Variants in RNF157 observed in about 807,000 individuals in gnomAD.
RNF157 encodes the protein E3 ubiquitin ligase RNF157.
Under a neutral mutation model 88.3 loss-of-function variants are expected in RNF157, and 55 were observed. That is an observed-to-expected ratio of 0.62 (90% confidence interval 0.50 to 0.78). RNF157 has a LOEUF of 0.78. RNF157 is among the 30% of genes least tolerant of loss of function. RNF157 has a pLI of 0.00. For synonymous variants in RNF157, 334 were observed against 341.2 expected (o/e 0.98, Z 0.23); for missense variants, 788 against 860.8 (o/e 0.92, Z 1.06).
intron 2 of RNF157, among the ~76,000 whole-genome samples, chr17:76,196,371 A>G (rs2069478075): frequency 6.6e-6 from 1 of 152,224 alleles, no homozygotes; most frequent in African/African-American, 2.4e-5. Flanking sequence ...AACAACAGGA[A>G]AGGAGCAGAA....
intron 17 of RNF157, chr17:76,152,698 C>A: frequency 2.1e-6 from 1 of 467,162 alleles, no homozygotes; most frequent in Admixed American, 3.4e-5. Flanking sequence ...CTGCTGCTCC[C>A]TAACAAGTCA....
In RNF157 at chr17:76,207,106, T is replaced by C. The variant is rs1024329937; in HGVS notation, c.207+5258A>G. 3.7e-4 allele frequency among the ~76,000 whole-genome samples: 56 copies of C among 152,324 alleles called. 1 individual carries two copies. The highest frequency in any genetic ancestry group is 3.5e-3 in the Admixed American group (54 of 15,292). On this transcript the variant is annotated intron_variant, in intron 2 of 18. Transcript: ENST00000269391. ...ACTCTAGTTTCTTTAAATCTGACCC[T>C]TAAGACTTGATAATAAATTTGGCTT... is the stretch of plus-strand genomic sequence containing the variant.
chr17:76,156,401 T>A, intron 13 of RNF157, 80 bp from the exon 14 acceptor site: 1 of 1,591,644 alleles, frequency 6.3e-7, no homozygotes, highest in Non-Finnish European at 8.5e-7. Flanking sequence ...AGGGCGGAGG[T>A]CTGGGTAGAG....
intron 2 of RNF157, among the ~76,000 whole-genome samples, chr17:76,177,555 CAGCTTG>C (rs891522711): frequency 1.3e-5 from 2 of 151,826 alleles, no homozygotes; most frequent in Admixed American, 6.6e-5. Context: ...GTGCTGAGGG[CAGCTTG>C]GTGCTGGCCT....
intron 2 of RNF157, among the ~76,000 whole-genome samples, chr17:76,211,478 C>G (rs1182681092): frequency 1.3e-5 from 2 of 152,218 alleles, no homozygotes; most frequent in Non-Finnish European, 2.9e-5. Flanking sequence ...CTCCACCAAA[C>G]TTGCAGAATA....
At position 76,159,414 on chromosome 17, in the gene RNF157, G is replaced by A. The variant is rs777729624; in HGVS notation, c.1225C>T (p.Pro409Ser). 12 of 1,613,074 alleles carry A rather than the reference G, an allele frequency of 7.4e-6. No individual in the cohort carries two copies. The highest frequency in any genetic ancestry group is 2.2e-5 in the South Asian group (2 of 90,712). ...PSYGSDGHLP[P>S]VRTISPLDRL... is the part of the protein sequence containing the mutation. The stretch of plus-strand genomic sequence containing the variant: ...TCAAGAGGCGAGATCGTCCTGACGG[G>A]GGGCAGGTGGCCATCACTGCCATAT... Residue 409 changes from proline (P) to serine (S), a missense_variant, in exon 12 of 19, where the codon CCC (proline) becomes TCC (serine). Physicochemically the swap from Pro to Ser is moderately conservative, Grantham distance 74 (BLOSUM62 -1). Coordinates refer to ENST00000269391, the MANE Select transcript of RNF157 (RefSeq NM_052916.3).
chr17:76,224,736 G>C (rs2070049315), intron 1 of RNF157, among the ~76,000 whole-genome samples: 2 of 150,718 alleles, frequency 1.3e-5, no homozygotes, highest in African/African-American at 4.9e-5. Context: ...AAAAAAGAAA[G>C]AAACTGCAAA....
At chr17:76,151,281 G>A (rs1167717651) in intron 18 of RNF157, among the ~76,000 whole-genome samples, 1 of 152,258 alleles carries the variant, frequency 6.6e-6, no homozygotes, top group Non-Finnish European at 1.5e-5. Context: ...AAAGCCCTTT[G>A]AAGGGCTGGA....
intron 2 of RNF157, chr17:76,175,837 A>G (rs2069094349): frequency 1.0e-6 from 1 of 954,142 alleles, no homozygotes; most frequent in Non-Finnish European, 1.2e-6. Flanking sequence ...GAGAAAAATA[A>G]AAAGAAAGAA....
intron 3 of RNF157, among the ~76,000 whole-genome samples, chr17:76,170,868 T>C (rs2069001676): frequency 6.6e-6 from 1 of 152,158 alleles, no homozygotes; most frequent in East Asian, 1.9e-4. Context: ...GATTTATGCC[T>C]TTTTAAAGAA....
At chr17:76,166,297 C>T (rs2068923495) in intron 6 of RNF157, among the ~76,000 whole-genome samples, 164 bp downstream of exon 6, 1 of 152,156 alleles carries the variant, frequency 6.6e-6, no homozygotes, top group Non-Finnish European at 1.5e-5. Flanking sequence ...TTCACATCAG[C>T]CCAGGAGCTT....
At chr17:76,167,201 G>A in intron 4 of RNF157, 75 bp from the exon 5 acceptor site, 1 of 1,017,876 alleles carries the variant, frequency 9.8e-7, no homozygotes, top group South Asian at 1.3e-5. Context: ...CTCTGCTCAT[G>A]CCTGTTCTCA....
intron 8 of RNF157, chr17:76,164,341 TA>T (rs2068889482): frequency 6.4e-6 from 1 of 155,114 alleles, no homozygotes; most frequent in African/African-American, 2.4e-5. Context: ...CTAATTACAC[TA>T]AATTGGACCC....
chr17:76,229,407 A>T (rs748908756), intron 1 of RNF157, among the ~76,000 whole-genome samples: 17 of 152,234 alleles, frequency 1.1e-4, no homozygotes, highest in Non-Finnish European at 2.2e-4. Context: ...AGAGACAATA[A>T]TACTTCTTTC....
rs542693685 is a variant in RNF157 at position 76,160,463 on chromosome 17, G to A, written c.1066-890C>T. Among the ~76,000 whole-genome samples, 5 of 151,832 alleles carry A rather than the reference G, an allele frequency of 3.3e-5. No homozygotes were observed. The South Asian group carries it at 1.0e-3, about 32-fold the overall frequency. ...TGCTTCCCCGAAAGCAGGGAGAATC[G>A]CTAAAAAGAAAAGTTTTTAAAATTT... On this transcript the variant is annotated intron_variant, in intron 11 of 18. Coordinates refer to ENST00000269391, the MANE Select transcript of RNF157 (RefSeq NM_052916.3). This position sits in a 1 kb window ranked among gnomAD's most constrained non-coding sequence, Gnocchi z 4.3.
chr17:76,215,662 A>G (rs559845835), intron 1 of RNF157, among the ~76,000 whole-genome samples: 1 of 152,292 alleles, frequency 6.6e-6, no homozygotes, highest in South Asian at 2.1e-4. Flanking sequence ...CTTTCTACAC[A>G]AGGAGCTTTA....
rs997850091 is a variant in RNF157 at position 76,157,203 on chromosome 17, T to A, written c.1414-882A>T. On this transcript the variant is annotated intron_variant, in intron 13 of 18. Coordinates refer to ENST00000269391, the MANE Select transcript of RNF157 (RefSeq NM_052916.3). This position sits in a 1 kb window ranked among gnomAD's most constrained non-coding sequence, Gnocchi z 5.6. ...GGATGGTCTCGATCTCCTGACCTCG[T>A]GATCCGCCCGCCTCGGCCTCCCAAA... 6.6e-6 allele frequency among the ~76,000 whole-genome samples: 1 copy of A among 152,232 alleles called. No individual in the cohort carries two copies. The highest frequency in any genetic ancestry group is 1.5e-5 in the Non-Finnish European group (1 of 68,040).
intron 3 of RNF157, among the ~76,000 whole-genome samples, chr17:76,171,754 T>C (rs1568037094): frequency 6.6e-6 from 1 of 152,186 alleles, no homozygotes; most frequent in African/African-American, 2.4e-5. Flanking sequence ...AACCTGAAGC[T>C]CAGACACTCA....
intron 18 of RNF157, among the ~76,000 whole-genome samples, chr17:76,149,800 G>A (rs1242445617): frequency 6.6e-6 from 1 of 152,128 alleles, no homozygotes; most frequent in Non-Finnish European, 1.5e-5. Flanking sequence ...TTGGGGGGCC[G>A]AGGTGGGCAG....
Sources: allele counts gnomAD v4.1 joint callset (sites outside exome capture counted in the v4.1 genomes callset), GRCh38; gene constraint gnomAD v4.1.1; non-coding constraint Gnocchi (gnomAD v3.1); transcripts MANE v1.5; gene names NCBI Gene and HGNC (gene_info 2026-07-23, HGNC 2026-07-21).